Variants in PCSK5 observed in about 807,000 individuals in gnomAD.
The protein encoded by PCSK5 is proprotein convertase subtilisin/kexin type 5.
PCSK5 carries 129 observed loss-of-function variants against 233.2 expected under a neutral mutation model. The observed-to-expected ratio is 0.55, with a 90% CI of 0.48 to 0.64. The LOEUF (loss-of-function observed/expected upper bound fraction) is 0.64. Ranked by LOEUF, PCSK5 falls within the 30% of genes least tolerant of loss-of-function variation. The pLI, the probability that PCSK5 is intolerant of heterozygous loss-of-function variation, is 0.00. For missense variants in PCSK5, 2,076 were observed against 2,430.1 expected (o/e 0.85, Z 3.06); for synonymous variants, 825 against 879.2 (o/e 0.94, Z 1.09).
At chr9:76,218,105 T>C (rs1825603277) in intron 20 of PCSK5, among the ~76,000 whole-genome samples, 1 of 151,426 alleles carries the variant, frequency 6.6e-6, no homozygotes, top group Non-Finnish European at 1.5e-5. Context: ...GTTCTGAACC[T>C]GACTTGATGA....
intron 2 of PCSK5, among the ~76,000 whole-genome samples, chr9:75,966,766 ATAAAT>A (rs1436644696): frequency 2.6e-5 from 4 of 152,222 alleles, no homozygotes; most frequent in Admixed American, 6.5e-5. Context: ...AGAAAAACAA[ATAAAT>A]TAGATAAGTT....
intron 7 of PCSK5, among the ~76,000 whole-genome samples, chr9:76,083,025 A>G (rs1181947018): frequency 6.6e-6 from 1 of 152,016 alleles, no homozygotes; most frequent in African/African-American, 2.4e-5. Context: ...CCTGGCCAAC[A>G]TGGTGAAACT....
chr9:76,068,243 C>T (rs1279089701), intron 6 of PCSK5, among the ~76,000 whole-genome samples, 200 bp downstream of exon 6: 1 of 151,932 alleles, frequency 6.6e-6, no homozygotes, highest in Non-Finnish European at 1.5e-5. Flanking sequence ...GAAGCAGTCA[C>T]CCTAAAATAT....
intron 23 of PCSK5, among the ~76,000 whole-genome samples, chr9:76,239,839 A>G (rs1295632240): frequency 2.6e-5 from 4 of 152,172 alleles, no homozygotes; most frequent in Admixed American, 2.0e-4. Context: ...CTCCTTCCCA[A>G]TTACTAGACA....
intron 30 of PCSK5, among the ~76,000 whole-genome samples, chr9:76,315,392 CTG>C: frequency 6.6e-6 from 1 of 152,266 alleles, no homozygotes; most frequent in South Asian, 2.1e-4. Context: ...GTCTTGGTGT[CTG>C]TGAAATGGAG....
chr9:76,283,537 G>A (rs1015280514), intron 24 of PCSK5, among the ~76,000 whole-genome samples: 8 of 152,288 alleles, frequency 5.3e-5, no homozygotes, highest in South Asian at 2.1e-4. Context: ...ACAGTATAGT[G>A]TATTACTTTT....
At chr9:75,909,249 C>G (rs62559222) in intron 1 of PCSK5, among the ~76,000 whole-genome samples, 8,803 of 151,818 alleles carry the variant, frequency 0.058, 377 homozygotes, top group African/African-American at 0.11. Context: ...TTTCTGGAAC[C>G]CGGGATGCAG....
Position 76,169,845 on chromosome 9 carries a change from G to C in PCSK5, c.1756+5G>C. Reference sequence around the variant, plus strand: ...TAAGGAACTTTAAGACTCCAGGTGAGAACTCCCTTTCTATACATTGTTCTA... The same window carrying C: ...TAAGGAACTTTAAGACTCCAGGTGACAACTCCCTTTCTATACATTGTTCTA... On this transcript the variant is annotated splice_donor_5th_base_variant and intron_variant, in intron 13 of 37. Transcript: ENST00000674117. 6.2e-7 allele frequency: 1 copy of C among 1,612,152 alleles called. No homozygotes were observed. Among genetic ancestry groups the C allele is most frequent in the Non-Finnish European group, 8.5e-7 (1 of 1,178,364 alleles).
intron 24 of PCSK5, among the ~76,000 whole-genome samples, chr9:76,273,946 C>A (rs965816991): frequency 1.3e-5 from 2 of 151,394 alleles, no homozygotes; most frequent in Non-Finnish European, 2.9e-5. Flanking sequence ...CTGTGCCCAG[C>A]CAGATTGGTG....
chr9:76,018,868 A>G (rs1436050484), intron 3 of PCSK5, among the ~76,000 whole-genome samples: 1 of 152,206 alleles, frequency 6.6e-6, no homozygotes, highest in Non-Finnish European at 1.5e-5. Flanking sequence ...GATTTCTGTT[A>G]TTTGAGTTTC....
chr9:76,320,024 C>T (rs1479959344), intron 30 of PCSK5, among the ~76,000 whole-genome samples: 2 of 152,122 alleles, frequency 1.3e-5, no homozygotes, highest in African/African-American at 4.8e-5. Context: ...CTTACCCTGC[C>T]CACTTGTCTT....
intron 24 of PCSK5, among the ~76,000 whole-genome samples, chr9:76,268,755 G>A (rs1827419235): frequency 6.6e-6 from 1 of 152,066 alleles, no homozygotes; most frequent in African/African-American, 2.4e-5. Context: ...TGAGGAGGGA[G>A]GATCACTTGA....
At chr9:76,200,771 G>C (rs1386393576) in intron 20 of PCSK5, among the ~76,000 whole-genome samples, 2 of 152,232 alleles carry the variant, frequency 1.3e-5, no homozygotes, top group Non-Finnish European at 2.9e-5. Flanking sequence ...GGCAGGGGAT[G>C]AGCAGGGCAG....
chr9:76,331,944 A>C (rs1045493728), intron 33 of PCSK5, among the ~76,000 whole-genome samples: 70 of 152,354 alleles, frequency 4.6e-4, no homozygotes, highest in African/African-American at 1.7e-3. Context: ...CAAGGCCCCA[A>C]GTTGGGGATA....
At chr9:76,308,754 G>T (rs1416640551) in intron 29 of PCSK5, 26 bp downstream of exon 29, 1 of 1,498,874 alleles carries the variant, frequency 6.7e-7, no homozygotes, top group South Asian at 1.1e-5. Flanking sequence ...GACAGAAGAT[G>T]GCAGCAGTCA....
chr9:76,098,290 T>C (rs1039046787), intron 8 of PCSK5, among the ~76,000 whole-genome samples: 3 of 152,106 alleles, frequency 2.0e-5, no homozygotes, highest in Admixed American at 2.0e-4. Context: ...CCAACATTCA[T>C]CAATAAGCAT....
At chr9:76,354,796 G>A (rs57040727) in intron 37 of PCSK5, among the ~76,000 whole-genome samples, 1 of 151,954 alleles carries the variant, frequency 6.6e-6, no homozygotes, top group Non-Finnish European at 1.5e-5. Context: ...TTAAAAAATG[G>A]TTCATCTGGA....
intron 2 of PCSK5, among the ~76,000 whole-genome samples, chr9:75,955,464 C>A (rs980602617): frequency 6.6e-6 from 1 of 152,114 alleles, no homozygotes; most frequent in African/African-American, 2.4e-5. Flanking sequence ...AACATTTAAA[C>A]TTTAGTTTTA....
chr9:76,151,270 G>A (rs1016198596), intron 10 of PCSK5, among the ~76,000 whole-genome samples: 6 of 152,174 alleles, frequency 3.9e-5, no homozygotes, highest in Non-Finnish European at 5.9e-5. Flanking sequence ...TCTCTGGTTC[G>A]GAATTTCTAC....
Sources: allele counts gnomAD v4.1 joint callset (sites outside exome capture counted in the v4.1 genomes callset), GRCh38; gene constraint gnomAD v4.1.1; transcripts MANE v1.5; gene names NCBI Gene and HGNC (gene_info 2026-07-23, HGNC 2026-07-21).